The following GLIS3 variants were observed in gnomAD, a reference collection of about 807,000 sequenced individuals.
GLIS3 encodes the protein GLIS family zinc finger 3, also known as zinc finger protein GLIS3.
A neutral mutation model predicts 78.6 loss-of-function variants in GLIS3; 53 were observed. The ratio of observed to expected loss-of-function variants is 0.67; its 90% CI spans 0.54 to 0.85. GLIS3 has a LOEUF of 0.85. Ranked by LOEUF, GLIS3 falls within the 40% of genes least tolerant of loss-of-function variation. GLIS3 has a pLI of 0.00. For synonymous variants in GLIS3, 684 were observed against 509.9 expected, an observed-to-expected ratio of 1.34 and a Z score of -4.60; for missense variants, 1,703 against 1,231.1, an observed-to-expected ratio of 1.38 and a Z score of -5.74.
intron 2 of GLIS3, among the ~76,000 whole-genome samples, chr9:4,338,336 G>A (rs191289066): frequency 6.6e-6 from 1 of 151,538 alleles, no homozygotes; most frequent in African/African-American, 2.4e-5. Context: ...TATATATAGA[G>A]AGATAGATGG....
At chr9:4,467,786 C>G in the GLIS3 span, among the ~76,000 whole-genome samples, 16,834 of 152,256 alleles carry the variant, frequency 0.11, 1,026 homozygotes, top group Admixed American at 0.16. Flanking sequence ...TGGAGAACGA[C>G]TCTGACGAGT....
chr9:4,034,059 T>C (rs1206069162), intron 4 of GLIS3, among the ~76,000 whole-genome samples: 1 of 145,252 alleles, frequency 6.9e-6, no homozygotes, highest in African/African-American at 2.5e-5. Context: ...CCATTTCTAT[T>C]AAAAAAAAAA....
At chr9:4,266,991 T>C (rs1044140418) in intron 2 of GLIS3, among the ~76,000 whole-genome samples, 2 of 152,214 alleles carry the variant, frequency 1.3e-5, no homozygotes, top group African/African-American at 2.4e-5. Context: ...AAATACTTCA[T>C]AGACTCAATT....
rs139303322 is a variant in GLIS3 at position 4,032,153 on chromosome 9, T to C, written c.1710+85615A>G. The stretch of plus-strand genomic sequence containing the variant: ...TAAGTGCCTTCAGTCCTGTGCAGAC[T>C]GCCTGATGTATGGATGTGGAAACCC... On this transcript the variant is annotated intron_variant, in intron 4 of 10. Transcript: ENST00000381971. Among the ~76,000 whole-genome samples the C allele has an allele frequency of 5.3e-5, 8 of 152,304 alleles. No homozygotes were observed. The East Asian group carries it at 1.2e-3, about 22-fold the overall frequency.
At chr9:4,409,249 T>G in the GLIS3 span, among the ~76,000 whole-genome samples, 1 of 152,354 alleles carries the variant, frequency 6.6e-6, no homozygotes, top group African/African-American at 2.4e-5. Context: ...TGCCCTGGAA[T>G]GAACTCTTTT....
At chr9:4,099,732 G>A (rs1830224446) in intron 4 of GLIS3, among the ~76,000 whole-genome samples, 1 of 152,098 alleles carries the variant, frequency 6.6e-6, no homozygotes, top group African/African-American at 2.4e-5. Context: ...TGTTTTGCAG[G>A]ATACAATAAG....
chr9:4,349,857 A>G (rs1817941839), upstream of GLIS3, among the ~76,000 whole-genome samples: 1 of 152,258 alleles, frequency 6.6e-6, no homozygotes, highest in African/African-American at 2.4e-5. Context: ...TGAATTGGTC[A>G]TTAGCCTTCA....
intron 2 of GLIS3, among the ~76,000 whole-genome samples, chr9:4,342,143 T>C (rs1817842070): frequency 6.6e-6 from 1 of 152,236 alleles, no homozygotes; most frequent in South Asian, 2.1e-4. Flanking sequence ...CTTTTGGCAC[T>C]TTTGTCATGA....
At chr9:4,018,401 A>G (rs1316895087) in intron 4 of GLIS3, among the ~76,000 whole-genome samples, 1 of 152,222 alleles carries the variant, frequency 6.6e-6, no homozygotes, top group East Asian at 1.9e-4. Flanking sequence ...TAAGGAAGAA[A>G]GCAAGATGAA....
At chr9:4,065,994 C>T (rs1359456966) in intron 4 of GLIS3, among the ~76,000 whole-genome samples, 5 of 148,848 alleles carry the variant, frequency 3.4e-5, no homozygotes, top group South Asian at 4.2e-4. Context: ...ATAAATATAT[C>T]GCTCTGCCTC....
chr9:4,106,584 C>A (rs1384210518), intron 4 of GLIS3, among the ~76,000 whole-genome samples: 1 of 152,194 alleles, frequency 6.6e-6, no homozygotes, highest in African/African-American at 2.4e-5. Flanking sequence ...CATAGAGGCA[C>A]ATTGTCATTT....
At chr9:4,365,008 T>C in the GLIS3 span, among the ~76,000 whole-genome samples, 7 of 152,166 alleles carry the variant, frequency 4.6e-5, no homozygotes, top group African/African-American at 1.2e-4. Flanking sequence ...TGAAAAGAAA[T>C]TGGATATTTT....
chr9:4,255,535 A>G (rs1256869507), intron 2 of GLIS3, among the ~76,000 whole-genome samples: 1 of 152,230 alleles, frequency 6.6e-6, no homozygotes, highest in Non-Finnish European at 1.5e-5. Context: ...TCAGTGCTAA[A>G]AAGAAATGAG....
At chr9:4,325,275 G>C (rs866487640) in intron 2 of GLIS3, among the ~76,000 whole-genome samples, 1 of 152,156 alleles carries the variant, frequency 6.6e-6, no homozygotes, top group Non-Finnish European at 1.5e-5. Flanking sequence ...GGCTGTTTAT[G>C]TCTTCTTGAT....
At chr9:4,354,260 T>C in the GLIS3 span, among the ~76,000 whole-genome samples, 1 of 152,164 alleles carries the variant, frequency 6.6e-6, no homozygotes, top group Non-Finnish European at 1.5e-5. Context: ...AACTGAGTAC[T>C]TTCTCCAGCC....
At chr9:4,012,350 T>G (rs941835252) in intron 4 of GLIS3, among the ~76,000 whole-genome samples, 11 of 152,178 alleles carry the variant, frequency 7.2e-5, no homozygotes, top group African/African-American at 2.7e-4. Flanking sequence ...AATGTACATT[T>G]TGAAGAACCA....
the GLIS3 span, among the ~76,000 whole-genome samples, chr9:4,458,529 C>A: frequency 6.6e-6 from 1 of 152,256 alleles, no homozygotes; most frequent in Middle Eastern, 3.4e-3. Context: ...GTGGCTCACT[C>A]CTGTAATCCC....
At position 4,179,501 on chromosome 9, in the gene GLIS3, G is replaced by A. The variant is rs545933951; in HGVS notation, c.389-53560C>T. 5.5e-4 allele frequency among the ~76,000 whole-genome samples: 83 copies of A among 152,222 alleles called. 1 individual carries two copies. Among genetic ancestry groups the A allele is most frequent in the Middle Eastern group, 6.8e-3 (2 of 294 alleles). On this transcript the variant is annotated intron_variant, in intron 2 of 10. Transcript: ENST00000381971. ...TCCCTTTAACCCTCAAAAGGGCTCC[G>A]TTTAGATGATACATTATTTGGAAAC...
chr9:4,303,354 G>A (rs150657965), upstream of GLIS3, among the ~76,000 whole-genome samples: 665 of 152,130 alleles, frequency 4.4e-3, 3 homozygotes, highest in African/African-American at 0.015. Flanking sequence ...CCAACTTTAA[G>A]GGGGGAACTA....
Sources: gnomAD v4.1 joint callset for allele counts (sites outside exome capture counted in the v4.1 genomes callset) on GRCh38, gnomAD v4.1.1 for gene constraint, MANE v1.5 for transcripts, NCBI Gene and HGNC (gene_info 2026-07-23, HGNC 2026-07-21) for gene names.